Variants in ENPP6 observed in about 807,000 individuals in gnomAD.
ENPP6 encodes the protein glycerophosphocholine cholinephosphodiesterase ENPP6.
In ENPP6, 32 loss-of-function variants were observed where a neutral mutation model predicts 42.0. The observed-to-expected ratio is 0.76, with a 90% CI of 0.58 to 1.02. The LOEUF (loss-of-function observed/expected upper bound fraction) is 1.02. ENPP6 is among the 50% of genes least tolerant of loss of function. ENPP6 has a pLI of 0.00. For missense variants in ENPP6, 552 were observed against 566.8 expected (o/e 0.97, Z 0.27); for synonymous variants, 213 against 216.0 (o/e 0.99, Z 0.12).
At chr4:184,127,090 G>A (rs1736517550) in intron 2 of ENPP6, among the ~76,000 whole-genome samples, 1 of 152,114 alleles carries the variant, frequency 6.6e-6, no homozygotes. Context: ...AAAGATTATT[G>A]ACTAAATCAA....
chr4:184,190,940 T>A (rs752121993), intron 1 of ENPP6, among the ~76,000 whole-genome samples: 14 of 152,238 alleles, frequency 9.2e-5, no homozygotes, highest in Non-Finnish European at 2.1e-4. Context: ...TTGTTCACAT[T>A]GTCCATTGAG....
chr4:184,162,761 C>T (rs1424285353), intron 1 of ENPP6, among the ~76,000 whole-genome samples: 2 of 152,128 alleles, frequency 1.3e-5, no homozygotes, highest in East Asian at 1.9e-4. Flanking sequence ...GTGCTAGATG[C>T]GGGGCTAGCA....
intron 1 of ENPP6, among the ~76,000 whole-genome samples, chr4:184,209,142 A>G (rs1312442187): frequency 9.9e-5 from 15 of 151,404 alleles, no homozygotes; most frequent in Admixed American, 2.0e-4. Flanking sequence ...GGGAAAAAAC[A>G]GAACAGAAAA....
intron 2 of ENPP6, among the ~76,000 whole-genome samples, chr4:184,143,647 G>A (rs562383922): frequency 6.6e-5 from 10 of 152,296 alleles, no homozygotes; most frequent in African/African-American, 1.7e-4. Context: ...GGCCAATCCC[G>A]GAATTCTCTG....
intron 7 of ENPP6, among the ~76,000 whole-genome samples, chr4:184,091,809 T>C (rs1433527914): frequency 6.6e-6 from 1 of 152,052 alleles, no homozygotes; most frequent in Non-Finnish European, 1.5e-5. Context: ...GGTAAGGAGA[T>C]CACTTAAGCC....
At chr4:184,145,572 C>T (rs1736904657) in intron 2 of ENPP6, among the ~76,000 whole-genome samples, 1 of 152,212 alleles carries the variant, frequency 6.6e-6, no homozygotes, top group Non-Finnish European at 1.5e-5. Context: ...CTAAGCTCCT[C>T]GGTGGCAGGG....
intron 6 of ENPP6, among the ~76,000 whole-genome samples, chr4:184,106,311 A>G (rs1457891266): frequency 1.3e-5 from 2 of 152,198 alleles, no homozygotes; most frequent in East Asian, 1.9e-4. Context: ...CTGATATTAC[A>G]GGCATGAGCC....
chr4:184,171,388 T>G (rs1436604446), intron 1 of ENPP6, among the ~76,000 whole-genome samples: 3 of 152,180 alleles, frequency 2.0e-5, no homozygotes, highest in African/African-American at 7.2e-5. Flanking sequence ...GATCCAGAAG[T>G]TACATAGCAT....
chr4:184,173,487 G>T (rs1297353417), intron 1 of ENPP6, among the ~76,000 whole-genome samples: 1 of 152,176 alleles, frequency 6.6e-6, no homozygotes, highest in African/African-American at 2.4e-5. Context: ...GACCAAGAAG[G>T]TCTAAGGGCA....
At position 184,184,813 on chromosome 4, in the gene ENPP6, G is replaced by A. The variant is rs950474584; in HGVS notation, c.242-31080C>T. Among the ~76,000 whole-genome samples, 2 of 152,088 alleles carry A rather than the reference G, an allele frequency of 1.3e-5. No homozygotes were observed. Among genetic ancestry groups the A allele is most frequent in the South Asian group, 2.1e-4 (1 of 4,796 alleles). On this transcript the variant is annotated intron_variant, in intron 1 of 7. Coordinates refer to ENST00000296741, the MANE Select transcript of ENPP6 (RefSeq NM_153343.4). The surrounding 1 kb of genome is among the most constrained non-coding windows in gnomAD (Gnocchi z 4.7). ...AGAACAGATTCTCCCTCGGAGCACCGAGAAGGCAAAACCCTTGATTTTGGA... is the reference window on the plus strand; with the variant it reads ...AGAACAGATTCTCCCTCGGAGCACCAAGAAGGCAAAACCCTTGATTTTGGA...
chr4:184,137,578 G>A (rs1462486464), intron 2 of ENPP6, among the ~76,000 whole-genome samples: 1 of 152,214 alleles, frequency 6.6e-6, no homozygotes, highest in Non-Finnish European at 1.5e-5. Flanking sequence ...TCATGGTGAG[G>A]ATTTAGGCTA....
intron 1 of ENPP6, among the ~76,000 whole-genome samples, chr4:184,169,154 A>G (rs895575464): frequency 1.3e-5 from 2 of 152,178 alleles, no homozygotes; most frequent in African/African-American, 4.8e-5. Flanking sequence ...TGCGCCCTGC[A>G]TGGCCCATTC....
intron 1 of ENPP6, among the ~76,000 whole-genome samples, chr4:184,171,294 C>T (rs573020705): frequency 6.6e-6 from 1 of 152,334 alleles, no homozygotes; most frequent in East Asian, 1.9e-4. Context: ...GGCCACCTGG[C>T]ATCCTTACAG....
At chr4:184,196,443 T>C (rs1388262566) in intron 1 of ENPP6, among the ~76,000 whole-genome samples, 1 of 152,252 alleles carries the variant, frequency 6.6e-6, no homozygotes, top group African/African-American at 2.4e-5. Flanking sequence ...CATGTATGAA[T>C]GCAATGTATG....
At chr4:184,138,463 C>A (rs186899057) in intron 2 of ENPP6, among the ~76,000 whole-genome samples, 76 of 152,348 alleles carry the variant, frequency 5.0e-4, no homozygotes, top group African/African-American at 1.8e-3. Flanking sequence ...TTACTGGATT[C>A]ACTCACTTTC....
intron 1 of ENPP6, among the ~76,000 whole-genome samples, chr4:184,208,214 T>C (rs1733033055): frequency 6.6e-6 from 1 of 151,976 alleles, no homozygotes; most frequent in Non-Finnish European, 1.5e-5. Context: ...GAAAGGCCTG[T>C]TTTAAGATTC....
intron 6 of ENPP6, among the ~76,000 whole-genome samples, chr4:184,111,636 C>A (rs901855214): frequency 1.3e-5 from 2 of 152,242 alleles, no homozygotes; most frequent in Non-Finnish European, 2.9e-5. Context: ...CTCTGCTCTG[C>A]GCAACTCACA....
At chr4:184,188,141 G>A (rs557811753) in intron 1 of ENPP6, among the ~76,000 whole-genome samples, 12 of 152,316 alleles carry the variant, frequency 7.9e-5, no homozygotes, top group Non-Finnish European at 1.6e-4. Context: ...ACCATTCCAG[G>A]ACAGAGTATA....
At chr4:184,197,794 T>G (rs1732827392) in intron 1 of ENPP6, among the ~76,000 whole-genome samples, 1 of 152,192 alleles carries the variant, frequency 6.6e-6, no homozygotes, top group East Asian at 1.9e-4. Flanking sequence ...TGAAAGTCAC[T>G]CATAGAAATG....
Sources: gnomAD v4.1 joint callset for allele counts (sites outside exome capture counted in the v4.1 genomes callset) on GRCh38, gnomAD v4.1.1 for gene constraint, Gnocchi (gnomAD v3.1) non-coding constraint, MANE v1.5 for transcripts, NCBI Gene and HGNC (gene_info 2026-07-23, HGNC 2026-07-21) for gene names.